LGR5: variants seen among roughly 807,000 people sequenced by gnomAD.
LGR5 encodes the protein leucine-rich repeat-containing G protein-coupled receptor 5.
Under a neutral mutation model 76.7 loss-of-function variants are expected in LGR5, and 54 were observed. The observed-to-expected ratio is 0.70, with a 90% CI of 0.57 to 0.88. The LOEUF (loss-of-function observed/expected upper bound fraction) is 0.88, where lower values mean the gene tolerates loss of function less well. LGR5 is among the 40% of genes least tolerant of loss of function. The pLI is 0.00. For missense variants in LGR5, 1,078 were observed against 1,073.3 expected (o/e 1.00, Z -0.06); for synonymous variants, 406 against 421.9 (o/e 0.96, Z 0.46).
intron 11 of LGR5, chr12:71,567,288 T>C: frequency 5.0e-6 from 1 of 199,736 alleles, no homozygotes; most frequent in Non-Finnish European, 1.0e-5. Flanking sequence ...AAAACTGAGA[T>C]CTCAGATCCA....
intron 3 of LGR5, among the ~76,000 whole-genome samples, chr12:71,528,882 C>T (rs936806685): frequency 6.6e-6 from 1 of 152,056 alleles, no homozygotes; most frequent in Non-Finnish European, 1.5e-5. Flanking sequence ...ATCTCCAGGG[C>T]CTTTTAAAGT....
At chr12:71,570,886 T>G (rs7976390) in intron 11 of LGR5, among the ~76,000 whole-genome samples, 28,988 of 152,208 alleles carry the variant, frequency 0.19, 3,135 homozygotes, top group East Asian at 0.44. Flanking sequence ...ATTGTTCTTA[T>G]ATATCTATGT....
Position 71,504,699 on chromosome 12 carries a change from T to C in LGR5, c.284+14T>C, listed in dbSNP as rs773373409. 8.2e-6 allele frequency: 13 copies of C among 1,585,642 alleles called. No homozygotes were observed. The highest frequency in any genetic ancestry group is 4.5e-5 in the East Asian group (2 of 44,768). ...CCTGGAGGAGTTGTAAGTATCACTG[T>C]AGTCTTGATGCATCCAGTCAACACT... On this transcript the variant is annotated intron_variant, in intron 2 of 17. Transcript: ENST00000266674.
chr12:71,516,540 C>T (rs1875450527), intron 2 of LGR5, among the ~76,000 whole-genome samples: 1 of 152,272 alleles, frequency 6.6e-6, no homozygotes, highest in African/African-American at 2.4e-5. Context: ...GTACACATAC[C>T]TCTCCCTATG....
At chr12:71,489,798 C>A (rs1291710103) in intron 1 of LGR5, among the ~76,000 whole-genome samples, 4 of 152,174 alleles carry the variant, frequency 2.6e-5, no homozygotes, top group African/African-American at 7.2e-5. Context: ...CATGGTGGCT[C>A]ACACCTGCAG....
intron 1 of LGR5, among the ~76,000 whole-genome samples, chr12:71,479,464 A>G (rs1873487990): frequency 6.6e-6 from 1 of 152,232 alleles, no homozygotes; most frequent in South Asian, 2.1e-4. Flanking sequence ...CTGGCGATTC[A>G]GCACCCCCTT....
intron 2 of LGR5, among the ~76,000 whole-genome samples, chr12:71,506,741 T>A (rs988990698): frequency 6.6e-6 from 1 of 152,318 alleles, no homozygotes; most frequent in Non-Finnish European, 1.5e-5. Context: ...CTTTTCCATA[T>A]ATAATTCTGT....
chr12:71,521,165 T>C (rs34414135), intron 2 of LGR5, among the ~76,000 whole-genome samples: 14,046 of 152,264 alleles, frequency 0.092, 700 homozygotes, highest in Non-Finnish European at 0.11. Context: ...AGACAGAGAA[T>C]ATTGTACATT....
chr12:71,569,656 C>T (rs1165085533), intron 11 of LGR5, among the ~76,000 whole-genome samples: 1 of 152,160 alleles, frequency 6.6e-6, no homozygotes, highest in Non-Finnish European at 1.5e-5. Flanking sequence ...AGTCAAGAAA[C>T]AACAAATGCT....
At chr12:71,558,555 A>C (rs1402701317) in intron 6 of LGR5, among the ~76,000 whole-genome samples, 1 of 152,230 alleles carries the variant, frequency 6.6e-6, no homozygotes, top group African/African-American at 2.4e-5. Context: ...AACAGGAAGA[A>C]AATTTATGTC....
intron 1 of LGR5, among the ~76,000 whole-genome samples, chr12:71,497,361 G>A (rs567910802): frequency 9.3e-4 from 117 of 125,454 alleles, no homozygotes; most frequent in African/African-American, 3.3e-3. Context: ...AGGAAGAAAG[G>A]AAGGAAGGAA....
At chr12:71,449,015 C>A (rs1287003036) in intron 1 of LGR5, among the ~76,000 whole-genome samples, 7 of 152,166 alleles carry the variant, frequency 4.6e-5, no homozygotes, top group Admixed American at 4.6e-4. Context: ...ATTTGCGACC[C>A]AAGGGACAGT....
At chr12:71,522,615 A>AT (rs756551188) in intron 2 of LGR5, among the ~76,000 whole-genome samples, 72 of 150,950 alleles carry the variant, frequency 4.8e-4, no homozygotes, top group Admixed American at 2.5e-3. Flanking sequence ...TGTCTACTCT[A>AT]TTTTTTTTTC....
In LGR5 at chr12:71,478,036, C is replaced by A. The variant is rs556233033; in HGVS notation, c.213-26578C>A. Among the ~76,000 whole-genome samples the A allele has an allele frequency of 3.3e-5, 5 of 152,234 alleles. No individual in the cohort carries two copies. The South Asian group carries it at 1.0e-3, about 32-fold the overall frequency. ...GGTCTTCTCCTTTTTGAGATATCCTCATTTTTTTTCTCTTGCATCTTTTCT... is the reference window on the plus strand; with the variant it reads ...GGTCTTCTCCTTTTTGAGATATCCTAATTTTTTTTCTCTTGCATCTTTTCT... On this transcript the variant is annotated intron_variant, in intron 1 of 17. Transcript: ENST00000266674.
intron 1 of LGR5, among the ~76,000 whole-genome samples, chr12:71,458,489 T>A (rs1872573585): frequency 6.6e-6 from 1 of 152,202 alleles, no homozygotes; most frequent in Non-Finnish European, 1.5e-5. Context: ...TTTTCTACTA[T>A]TTTTTGGAAA....
chr12:71,461,602 C>T (rs1872687401), intron 1 of LGR5, among the ~76,000 whole-genome samples: 1 of 152,136 alleles, frequency 6.6e-6, no homozygotes, highest in Non-Finnish European at 1.5e-5. Flanking sequence ...AAGGGTCTTT[C>T]CTGTGCTCTT....
intron 6 of LGR5, among the ~76,000 whole-genome samples, chr12:71,558,045 C>CT (rs1341335558): frequency 6.6e-6 from 1 of 152,174 alleles, no homozygotes; most frequent in African/African-American, 2.4e-5. Context: ...CCTATGAGCA[C>CT]TAACAGCTCT....
intron 3 of LGR5, among the ~76,000 whole-genome samples, chr12:71,525,762 A>G (rs1163476726): frequency 6.6e-6 from 1 of 151,576 alleles, no homozygotes; most frequent in Admixed American, 6.6e-5. Flanking sequence ...TTTAATTATA[A>G]ATGAGTAAAA....
rs751244926 is a variant in LGR5 at position 71,572,940 on chromosome 12, T to C, written c.1208+19T>C. Reference sequence around the variant, plus strand: ...GATCGCTGTGAGTATCACCTCCCAGTGCGTTCCCCAGCACAGAGCATTTTC... The same window carrying C: ...GATCGCTGTGAGTATCACCTCCCAGCGCGTTCCCCAGCACAGAGCATTTTC... On this transcript the variant is annotated intron_variant, in intron 13 of 17. Coordinates refer to ENST00000266674, the MANE Select transcript of LGR5 (RefSeq NM_003667.4). 1 of 1,587,766 alleles carries C rather than the reference T, an allele frequency of 6.3e-7. No individual in the cohort carries two copies. Among genetic ancestry groups the C allele is most frequent in the East Asian group, 2.2e-5 (1 of 44,742 alleles).
Sources: gnomAD v4.1 joint callset for allele counts (sites outside exome capture counted in the v4.1 genomes callset) on GRCh38, gnomAD v4.1.1 for gene constraint, MANE v1.5 for transcripts, NCBI Gene and HGNC (gene_info 2026-07-23, HGNC 2026-07-21) for gene names.